The following XYLT1 variants were observed in gnomAD, a reference collection of about 807,000 sequenced individuals.
XYLT1 encodes xylosyltransferase 1, also known as beta-D-xylosyltransferase 1.
In XYLT1, 36 loss-of-function variants were observed where a neutral mutation model predicts 91.3. The ratio of observed to expected loss-of-function variants is 0.39; its 90% confidence interval spans 0.30 to 0.52. The LOEUF is 0.52. Among genes scored for constraint, XYLT1 ranks in the 20% least tolerant of loss-of-function variants. XYLT1 has a pLI of 0.68. For missense variants in XYLT1, 1,242 were observed against 1,284.5 expected (o/e 0.97, Z 0.51); for synonymous variants, 588 against 532.0 (o/e 1.11, Z -1.45).
intron 1 of XYLT1, among the ~76,000 whole-genome samples, chr16:17,465,568 G>GC (rs1174331706): frequency 7.0e-6 from 1 of 142,272 alleles, no homozygotes; most frequent in Non-Finnish European, 1.6e-5. Context: ...GGGGGGGGGG[G>GC]GGTGAGCATT....
chr16:17,284,715 G>A (rs1464398263), intron 2 of XYLT1, among the ~76,000 whole-genome samples: 4 of 152,190 alleles, frequency 2.6e-5, no homozygotes, highest in Non-Finnish European at 2.9e-5. Flanking sequence ...CCAGGAGTTC[G>A]AGGCTGCAGT....
At chr16:17,278,921 G>C (rs2034017426) in intron 2 of XYLT1, among the ~76,000 whole-genome samples, 1 of 152,132 alleles carries the variant, frequency 6.6e-6, no homozygotes. Flanking sequence ...CTTAGAATGG[G>C]CAACCAAGGC....
intron 9 of XYLT1, among the ~76,000 whole-genome samples, chr16:17,132,219 G>C (rs1403424121): frequency 6.6e-6 from 1 of 152,180 alleles, no homozygotes; most frequent in Non-Finnish European, 1.5e-5. Flanking sequence ...TAGCAGTGGG[G>C]GGGAGAGAGA....
At chr16:17,404,486 C>A (rs1187925422) in intron 1 of XYLT1, among the ~76,000 whole-genome samples, 2 of 152,160 alleles carry the variant, frequency 1.3e-5, no homozygotes, top group Non-Finnish European at 2.9e-5. Context: ...GAGGTGAGAA[C>A]CATGATCATC....
intron 5 of XYLT1, among the ~76,000 whole-genome samples, chr16:17,166,429 G>A (rs761066869): frequency 6.6e-6 from 1 of 152,072 alleles, no homozygotes; most frequent in Non-Finnish European, 1.5e-5. Flanking sequence ...CCAAGTAGAG[G>A]CCCGGTATGC....
chr16:17,164,219 CAT>C (rs927198596), intron 5 of XYLT1, among the ~76,000 whole-genome samples: 1 of 152,076 alleles, frequency 6.6e-6, no homozygotes, highest in South Asian at 2.1e-4. Context: ...TAAGTTATTT[CAT>C]ATGTCTATTT....
At chr16:17,455,596 AAAT>A (rs960684139) in intron 1 of XYLT1, among the ~76,000 whole-genome samples, 7 of 147,714 alleles carry the variant, frequency 4.7e-5, no homozygotes, top group Non-Finnish European at 1.1e-4. Context: ...ATAAATAAAT[AAAT>A]AAATAAATAA....
chr16:17,301,645 C>T (rs537375843), intron 2 of XYLT1, among the ~76,000 whole-genome samples: 9 of 152,104 alleles, frequency 5.9e-5, no homozygotes, highest in Non-Finnish European at 1.3e-4. Context: ...CTTGCAATGT[C>T]GCTGCCAAGT....
intron 2 of XYLT1, among the ~76,000 whole-genome samples, chr16:17,352,773 T>C (rs1229370626): frequency 6.6e-6 from 1 of 152,206 alleles, no homozygotes; most frequent in African/African-American, 2.4e-5. Context: ...AAGTTACGGA[T>C]GCATTTATTA....
At chr16:17,379,291 A>C (rs1359068957) in intron 1 of XYLT1, among the ~76,000 whole-genome samples, 2 of 152,242 alleles carry the variant, frequency 1.3e-5, no homozygotes, top group African/African-American at 2.4e-5. Context: ...AAGACTCAGG[A>C]GTTCCCATTT....
chr16:17,314,006 G>T (rs1372525372), intron 2 of XYLT1, among the ~76,000 whole-genome samples: 1 of 152,200 alleles, frequency 6.6e-6, no homozygotes, highest in African/African-American at 2.4e-5. Flanking sequence ...AATCCACCCT[G>T]GGAGGGTCAG....
At chr16:17,434,654 C>T (rs573643357) in intron 1 of XYLT1, among the ~76,000 whole-genome samples, 6 of 152,064 alleles carry the variant, frequency 3.9e-5, no homozygotes, top group African/African-American at 4.8e-5. Context: ...GCCAGGAGTT[C>T]GAGACCAGCC....
chr16:17,160,608 T>C (rs779261762), intron 5 of XYLT1, among the ~76,000 whole-genome samples: 66 of 151,882 alleles, frequency 4.3e-4, no homozygotes, highest in Non-Finnish European at 7.2e-4. Flanking sequence ...CTGCAGGGAG[T>C]TGAATACAGC....
At chr16:17,120,598 T>C (rs773954078) in intron 10 of XYLT1, among the ~76,000 whole-genome samples, 26 of 152,148 alleles carry the variant, frequency 1.7e-4, no homozygotes, top group Non-Finnish European at 2.8e-4. Context: ...CTTTCCTGGA[T>C]AGAGGCACCA....
At chr16:17,416,418 G>A (rs1325105271) in intron 1 of XYLT1, among the ~76,000 whole-genome samples, 1 of 152,182 alleles carries the variant, frequency 6.6e-6, no homozygotes, top group Non-Finnish European at 1.5e-5. Context: ...AGCAGACTGC[G>A]AGCTCCCCAT....
chr16:17,259,485 G>A lies in XYLT1; in HGVS notation c.416C>T (p.Ser139Phe), dbSNP rs1251084213. The A allele has an allele frequency of 2.5e-6, 4 of 1,607,172 alleles. No homozygotes were observed. In the African/African-American group the frequency reaches 4.0e-5, roughly 16 times the overall value. Residue 139 changes from serine (S) to phenylalanine (F), a missense_variant, in exon 3 of 12, where the codon TCT becomes TTT. Transcript: ENST00000261381. ...TCGCACTTTCTCTTTCGGCCGATGA[G>A]AAAAGTAGCCATCCTGGAGAAGAGG... ...ITLETQDGYF[S>F]HRPKEKVRTD...
chr16:17,299,566 G>A (rs1470367910), intron 2 of XYLT1, among the ~76,000 whole-genome samples: 2 of 152,204 alleles, frequency 1.3e-5, no homozygotes, highest in African/African-American at 4.8e-5. Flanking sequence ...TGAATTGCTA[G>A]CGTCCCTTCC....
intron 7 of XYLT1, 62 bp downstream of exon 7, chr16:17,141,091 C>A: frequency 6.5e-7 from 1 of 1,539,352 alleles, no homozygotes; most frequent in South Asian, 1.2e-5. Flanking sequence ...TCAGCATCTG[C>A]TTTGCCACAA....
At chr16:17,196,826 T>C (rs2032435379) in intron 5 of XYLT1, among the ~76,000 whole-genome samples, 2 of 151,842 alleles carry the variant, frequency 1.3e-5, no homozygotes, top group South Asian at 4.2e-4. Context: ...CCCAGCACTT[T>C]GGGAGGCCAA....
Sources: allele counts gnomAD v4.1 joint callset (sites outside exome capture counted in the v4.1 genomes callset), GRCh38; gene constraint gnomAD v4.1.1; transcripts MANE v1.5; gene names NCBI Gene and HGNC (gene_info 2026-07-23, HGNC 2026-07-21).